GARIN5A: variants seen among roughly 807,000 people sequenced by gnomAD.
GARIN5A encodes Golgi-associated RAB2 interactor protein 5A.
the GARIN5A span, chr19:50,475,324 C>G: frequency 1.3e-6 from 2 of 1,585,370 alleles, no homozygotes; most frequent in African/African-American, 1.3e-5. Flanking sequence ...GGGGCAGTTA[C>G]CCGAAGAGTT....
chr19:50,476,280 C>A, the GARIN5A span: 1 of 1,606,712 alleles, frequency 6.2e-7, no homozygotes, highest in South Asian at 1.1e-5. Context: ...ACTGTGACGT[C>A]ATGATGCGGA....
At chr19:50,471,734 GTGTGTATACGCATACATGCA>G in the GARIN5A span, among the ~76,000 whole-genome samples, 10 of 86,312 alleles carry the variant, frequency 1.2e-4, no homozygotes, top group East Asian at 7.9e-4. Flanking sequence ...ACATGCACGT[GTGTGTATACGCATACATGCA>G]TGTGTATACG....
chr19:50,476,041 G>A, the GARIN5A span: 3 of 1,606,760 alleles, frequency 1.9e-6, no homozygotes, highest in East Asian at 2.2e-5. Context: ...GGAGAGGACG[G>A]GGTATCAGAT....
At chr19:50,467,637 G>A in the GARIN5A span, 1 of 1,567,634 alleles carries the variant, frequency 6.4e-7, no homozygotes, top group Non-Finnish European at 8.6e-7. Context: ...ACTCCTGCGT[G>A]AAGGGCACAG....
At chr19:50,471,891 T>C in the GARIN5A span, among the ~76,000 whole-genome samples, 2 of 151,248 alleles carry the variant, frequency 1.3e-5, no homozygotes, top group East Asian at 1.9e-4. Flanking sequence ...TGTGTGTATA[T>C]GTATGCATAC....
the GARIN5A span, among the ~76,000 whole-genome samples, chr19:50,474,036 T>C: frequency 0.038 from 5,815 of 152,298 alleles, 286 homozygotes; most frequent in African/African-American, 0.11. Flanking sequence ...ACTGTAGGCA[T>C]GTAAACATTT....
At chr19:50,471,941 A>AGTATATATACATGTATGTAT in the GARIN5A span, among the ~76,000 whole-genome samples, 89 of 135,060 alleles carry the variant, frequency 6.6e-4, no homozygotes, top group Admixed American at 1.1e-3. Flanking sequence ...TATGTGTGTA[A>AGTATATATACATGTATGTAT]GTATATATAC....
At chr19:50,469,025 G>A in the GARIN5A span, among the ~76,000 whole-genome samples, 99 of 152,226 alleles carry the variant, frequency 6.5e-4, no homozygotes, top group Non-Finnish European at 1.0e-3. Flanking sequence ...CCCAGAAGGC[G>A]CAGGTCAACA....
chr19:50,467,856 G>C, the GARIN5A span: 20 of 1,608,358 alleles, frequency 1.2e-5, no homozygotes, highest in Non-Finnish European at 1.6e-5. Context: ...GGCGGCCTCA[G>C]GTTCTGACCC....
At chr19:50,475,518 G>T in the GARIN5A span, 6 of 1,482,274 alleles carry the variant, frequency 4.0e-6, no homozygotes, top group Non-Finnish European at 5.5e-6. Flanking sequence ...GGAGGGATCA[G>T]AGGTTAGGAA....
At chr19:50,467,750 G>A in the GARIN5A span, 18 of 1,609,830 alleles carry the variant, frequency 1.1e-5, no homozygotes, top group African/African-American at 1.3e-4. Flanking sequence ...TAGAAGGTGC[G>A]GCTGGTGTTC....
At chr19:50,476,512 C>T in the GARIN5A span, 1 of 1,570,544 alleles carries the variant, frequency 6.4e-7, no homozygotes, top group East Asian at 2.3e-5. Flanking sequence ...TCTTGGCTCA[C>T]AGCCGTCCCT....
At chr19:50,467,585 C>G in the GARIN5A span, 1 of 1,545,468 alleles carries the variant, frequency 6.5e-7, no homozygotes, top group Non-Finnish European at 8.8e-7. Flanking sequence ...GCCTCCACCT[C>G]ATCATCATCA....
At chr19:50,472,048 A>ATATG in the GARIN5A span, among the ~76,000 whole-genome samples, 6 of 141,824 alleles carry the variant, frequency 4.2e-5, 1 homozygote, top group African/African-American at 1.5e-4. Context: ...GTGTATATGT[A>ATATG]TATATACGTG....
chr19:50,476,612 G>A, the GARIN5A span: 4 of 1,562,314 alleles, frequency 2.6e-6, no homozygotes, highest in South Asian at 4.6e-5. Flanking sequence ...GCAGCGCCCA[G>A]TCGAGCCCGG....
At chr19:50,474,067 G>C in the GARIN5A span, among the ~76,000 whole-genome samples, 1 of 152,214 alleles carries the variant, frequency 6.6e-6, no homozygotes, top group Non-Finnish European at 1.5e-5. Context: ...AGCTGGAGTT[G>C]GGGCAGGAGC....
At chr19:50,476,270 A>G in the GARIN5A span, 2 of 1,609,126 alleles carry the variant, frequency 1.2e-6, no homozygotes, top group Non-Finnish European at 1.7e-6. Flanking sequence ...GACTACGCGC[A>G]CTGTGACGTC....
At chr19:50,475,553 A>G in the GARIN5A span, 31 of 1,187,734 alleles carry the variant, frequency 2.6e-5, no homozygotes, top group Non-Finnish European at 3.2e-5. Flanking sequence ...AAGGTCATGA[A>G]CCAGGTGAGT....
the GARIN5A span, chr19:50,476,424 C>A: frequency 6.5e-7 from 1 of 1,547,680 alleles, no homozygotes; most frequent in Non-Finnish European, 8.7e-7. Context: ...GGACGGGTGC[C>A]AGTGCGCAGG....
Sources: gnomAD v4.1 joint callset for allele counts (sites outside exome capture counted in the v4.1 genomes callset) on GRCh38, gnomAD v4.1.1 for gene constraint, MANE v1.5 for transcripts, NCBI Gene and HGNC (gene_info 2026-07-23, HGNC 2026-07-21) for gene names.